RNF149: variants seen among roughly 807,000 people sequenced by gnomAD.
The protein encoded by RNF149 is E3 ubiquitin-protein ligase RNF149.
Under a neutral mutation model 39.0 loss-of-function variants are expected in RNF149, and 21 were observed. The ratio of observed to expected loss-of-function variants is 0.54; its 90% CI spans 0.38 to 0.77. The LOEUF (loss-of-function observed/expected upper bound fraction) is 0.77, where lower values mean the gene tolerates loss of function less well. Ranked by LOEUF, RNF149 falls within the 30% of genes least tolerant of loss-of-function variation. The pLI is 0.00. For missense variants in RNF149, 493 were observed against 534.9 expected (o/e 0.92, Z 0.77); for synonymous variants, 209 against 213.6 (o/e 0.98, Z 0.19).
In RNF149 at chr2:101,308,373, G is replaced by T. The variant is rs1015793338; in HGVS notation, c.216C>A (p.Gly72=). 7 of 1,607,064 alleles carry T rather than the reference G, an allele frequency of 4.4e-6. No individual in the cohort carries two copies. Among genetic ancestry groups the T allele is most frequent in the East Asian group, 2.3e-5 (1 of 44,432 alleles). Residue 72 remains glycine, a synonymous_variant, in exon 1 of 7, where the codon GGC becomes GGA. Transcript: ENST00000295317. Reference sequence around the variant, plus strand: ...ACGGGACGCCCACCAGGCCATGCGCGCCCTCCTTGGGCGAGCTGTCGCCGA... The same window carrying T: ...ACGGGACGCCCACCAGGCCATGCGCTCCCTCCTTGGGCGAGCTGTCGCCGA... ...GRFGDSSPKE[G]AHGLVGVPWA...
chr2:101,284,002 T>C (rs1186335968), intron 5 of RNF149, among the ~76,000 whole-genome samples: 1 of 152,194 alleles, frequency 6.6e-6, no homozygotes, highest in Non-Finnish European at 1.5e-5. Context: ...GCTCCCTGTA[T>C]GCTATTATTT....
At chr2:101,287,808 A>G (rs768478440) in intron 4 of RNF149, among the ~76,000 whole-genome samples, 1 of 152,202 alleles carries the variant, frequency 6.6e-6, no homozygotes, top group Non-Finnish European at 1.5e-5. Flanking sequence ...TCAATCTACT[A>G]TAAAGTACTT....
intron 4 of RNF149, 126 bp from the exon 5 acceptor site, chr2:101,286,303 T>C: frequency 1.7e-6 from 1 of 573,062 alleles, no homozygotes; most frequent in South Asian, 2.4e-5. Flanking sequence ...AACATTCTAG[T>C]CTACTTACTT....
rs748971199 is a variant in RNF149 at position 101,308,544 on chromosome 2, C to T, written c.45G>A (p.Val15=). The T allele has an allele frequency of 1.9e-6, 3 of 1,593,332 alleles. No individual in the cohort carries two copies. In the South Asian group the frequency reaches 3.4e-5, roughly 18 times the overall value. ...RREASVGARG[V]LALALLALAL... Reference sequence around the variant, plus strand: ...CCAGGGCGAGCAACGCCAGAGCCAACACGCCGCGAGCCCCGACGCTGGCTT... The same window carrying T: ...CCAGGGCGAGCAACGCCAGAGCCAATACGCCGCGAGCCCCGACGCTGGCTT... Residue 15 remains valine, a synonymous_variant, in exon 1 of 7, where the codon GTG becomes GTA. Transcript: ENST00000295317.
In RNF149 at chr2:101,305,805, C is replaced by CT. The variant is rs371076785; in HGVS notation, c.460+2323dup. On this transcript the variant is annotated intron_variant, in intron 1 of 6. Transcript: ENST00000295317. ...GATTACTGTGTCGTCTCTGGCTAAT[C>CT]TTTTAAACTCCTTGAGCATCAGTTT... 2.1e-3 allele frequency among the ~76,000 whole-genome samples: 325 copies of CT among 152,256 alleles called. 2 individuals carry two copies. The highest frequency in any genetic ancestry group is 7.2e-3 in the African/African-American group (300 of 41,518).
intron 3 of RNF149, among the ~76,000 whole-genome samples, chr2:101,289,880 G>A (rs1682942742): frequency 6.6e-6 from 1 of 151,906 alleles, no homozygotes; most frequent in African/African-American, 2.4e-5. Flanking sequence ...ATCAAAGACT[G>A]TATTAAAATG....
downstream of RNF149, among the ~76,000 whole-genome samples, chr2:101,275,431 C>CCT (rs1682302935): frequency 3.8e-5 from 1 of 26,580 alleles, no homozygotes; most frequent in Non-Finnish European, 6.4e-5. Context: ...CCTAGTATTT[C>CCT]TTTTTTTTTT....
intron 4 of RNF149, 21 bp from the exon 5 acceptor site, chr2:101,286,198 T>C: frequency 2.2e-6 from 3 of 1,352,096 alleles, no homozygotes; most frequent in Non-Finnish European, 3.2e-6. Context: ...TAAGTATGTG[T>C]TAATGTTTTT....
intron 3 of RNF149, among the ~76,000 whole-genome samples, chr2:101,293,063 G>A (rs1683083036): frequency 6.9e-6 from 1 of 145,392 alleles, no homozygotes; most frequent in Admixed American, 7.0e-5. Flanking sequence ...TTGAACTGTA[G>A]TACGAAAACA....
In RNF149 at chr2:101,292,683, G is replaced by A. The variant is rs191536333; in HGVS notation, c.780+1331C>T. ...CGGGAGACTGAGGCAGGAGAATGGC[G>A]TGAACCCGGGAGGCGGAGCTTGCAG... On this transcript the variant is annotated intron_variant, in intron 3 of 6. Coordinates refer to ENST00000295317, the MANE Select transcript of RNF149 (RefSeq NM_173647.4). Among the ~76,000 whole-genome samples the A allele has an allele frequency of 6.3e-3, 956 of 152,196 alleles. 4 individuals carry two copies. The highest frequency in any genetic ancestry group is 0.022 in the African/African-American group (912 of 41,540).
At chr2:101,295,660 CAAA>C (rs780184197) in intron 1 of RNF149, among the ~76,000 whole-genome samples, 9 of 84,190 alleles carry the variant, frequency 1.1e-4, no homozygotes, top group Admixed American at 1.4e-4. Context: ...GACCCCATCT[CAAA>C]AAAAAAAAAA....
chr2:101,280,689 A>C (rs1384038988), intron 6 of RNF149, among the ~76,000 whole-genome samples: 1 of 152,208 alleles, frequency 6.6e-6, no homozygotes, highest in Admixed American at 6.5e-5. Context: ...TAGTATTTTC[A>C]ATGTATAAAA....
At chr2:101,296,802 G>A (rs890659049) in intron 1 of RNF149, among the ~76,000 whole-genome samples, 2 of 151,872 alleles carry the variant, frequency 1.3e-5, no homozygotes, top group African/African-American at 2.4e-5. Context: ...ACATATTGAC[G>A]AAAAACTTCT....
Position 101,308,165 on chromosome 2 carries a change from G to A in RNF149, c.424C>T (p.Arg142Cys). ...ASAVVLYNEE[R>C]YGNITLPMSH... Reference sequence around the variant, plus strand: ...ATGGGCAAGGTGATGTTCCCGTAGCGCTCCTCATTGTAGAGGACGACGGCC... The same window carrying A: ...ATGGGCAAGGTGATGTTCCCGTAGCACTCCTCATTGTAGAGGACGACGGCC... The change falls in exon 1 of 7, where the codon CGC becomes TGC. Residue 142 changes from arginine (R) to cysteine (C), a missense_variant. Arg to Cys is a radical substitution (Grantham distance 180). Coordinates refer to ENST00000295317, the MANE Select transcript of RNF149 (RefSeq NM_173647.4). The A allele has an allele frequency of 1.2e-6, 2 of 1,610,188 alleles. No individual in the cohort carries two copies. Among genetic ancestry groups the A allele is most frequent in the Non-Finnish European group, 1.7e-6 (2 of 1,179,234 alleles).
chr2:101,273,971 C>T (rs1573211077), downstream of RNF149, among the ~76,000 whole-genome samples: 1 of 151,992 alleles, frequency 6.6e-6, no homozygotes, highest in Non-Finnish European at 1.5e-5. Flanking sequence ...TTAAGGAACA[C>T]TATGTTTGAC....
intron 4 of RNF149, 199 bp downstream of exon 4, chr2:101,288,774 C>A (rs1283604103): frequency 4.0e-6 from 2 of 499,852 alleles, no homozygotes; most frequent in Non-Finnish European, 7.1e-6. Context: ...GTCTTAGTGT[C>A]ACCTAAGAAT....
chr2:101,306,026 T>G (rs564440962), intron 1 of RNF149, among the ~76,000 whole-genome samples: 1 of 152,144 alleles, frequency 6.6e-6, no homozygotes, highest in African/African-American at 2.4e-5. Flanking sequence ...TGGACACCGA[T>G]AATGGGAAGA....
At chr2:101,307,443 T>C (rs1384640391) in intron 1 of RNF149, among the ~76,000 whole-genome samples, 1 of 152,210 alleles carries the variant, frequency 6.6e-6, no homozygotes, top group African/African-American at 2.4e-5. Flanking sequence ...CCTCCCAAAG[T>C]GCTGGGATTA....
chr2:101,289,482 G>A (rs984234962), intron 3 of RNF149, among the ~76,000 whole-genome samples: 1 of 152,010 alleles, frequency 6.6e-6, no homozygotes, highest in African/African-American at 2.4e-5. Context: ...CAAGGAGGGC[G>A]GATCATGGGG....
Sources: gnomAD v4.1 joint callset for allele counts (sites outside exome capture counted in the v4.1 genomes callset) on GRCh38, gnomAD v4.1.1 for gene constraint, MANE v1.5 for transcripts, NCBI Gene and HGNC (gene_info 2026-07-23, HGNC 2026-07-21) for gene names.